SNTG2: variants seen among roughly 807,000 people sequenced by gnomAD.
SNTG2 encodes gamma-2-syntrophin.
In SNTG2, 74 loss-of-function variants were observed where a neutral mutation model predicts 70.9. The observed-to-expected ratio is 1.04, with a 90% CI of 0.86 to 1.27. SNTG2 has a LOEUF of 1.27. SNTG2 is among the 50% of genes most tolerant of loss of function. SNTG2 has a pLI of 0.00. For synonymous variants in SNTG2, 278 were observed against 273.8 expected, an observed-to-expected ratio of 1.02 and a Z score of -0.15; for missense variants, 717 against 690.7, an observed-to-expected ratio of 1.04 and a Z score of -0.43.
chr2:958,376 A>G lies in SNTG2; in HGVS notation c.72+7308A>G, dbSNP rs78567279. Among the ~76,000 whole-genome samples, 752 of 152,346 alleles carry G rather than the reference A, an allele frequency of 4.9e-3. 4 individuals are homozygous for G. Among genetic ancestry groups the G allele is most frequent in the African/African-American group, 0.017 (697 of 41,584 alleles). ...GGGAACAGGTTCATAAGTCGAGTAG[A>G]TGGCAACAGCTCATGCAGCCCCTCC... On this transcript the variant is annotated intron_variant, in intron 1 of 16. Transcript: ENST00000308624.
At chr2:1,326,821 C>T (rs1430291321) in intron 16 of SNTG2, among the ~76,000 whole-genome samples, 1 of 152,044 alleles carries the variant, frequency 6.6e-6, no homozygotes, top group Admixed American at 6.6e-5. Context: ...TATTTTATAA[C>T]CTCTTACACA....
chr2:1,263,172 A>G (rs186795437), intron 13 of SNTG2, among the ~76,000 whole-genome samples: 3 of 152,322 alleles, frequency 2.0e-5, no homozygotes, highest in Admixed American at 6.5e-5. Context: ...AGCTATATGT[A>G]TGAGAATGTT....
intron 4 of SNTG2, among the ~76,000 whole-genome samples, chr2:1,128,374 T>C (rs1488282382): frequency 6.6e-6 from 1 of 152,206 alleles, no homozygotes; most frequent in Non-Finnish European, 1.5e-5. Flanking sequence ...TTATTATACA[T>C]ATGAATACAT....
chr2:1,218,517 C>A (rs1364443511), intron 9 of SNTG2, among the ~76,000 whole-genome samples: 2 of 152,156 alleles, frequency 1.3e-5, no homozygotes, highest in African/African-American at 4.8e-5. Flanking sequence ...CCACATGGTA[C>A]CGTTGGACAA....
chr2:1,362,894 G>A (rs550518585), intron 16 of SNTG2, among the ~76,000 whole-genome samples: 4 of 151,888 alleles, frequency 2.6e-5, no homozygotes, highest in Non-Finnish European at 5.9e-5. Context: ...AGTCACCAAC[G>A]CTGAGCATTT....
intron 2 of SNTG2, among the ~76,000 whole-genome samples, chr2:1,085,674 T>C (rs868454771): frequency 7.2e-5 from 11 of 152,374 alleles, no homozygotes; most frequent in Admixed American, 2.0e-4. Flanking sequence ...CAGTGCAGAA[T>C]CTGAATTGAT....
chr2:1,231,873 G>A (rs1053825656), intron 9 of SNTG2, among the ~76,000 whole-genome samples: 11 of 152,158 alleles, frequency 7.2e-5, no homozygotes, highest in Admixed American at 3.9e-4. Flanking sequence ...AGTGCTGGCC[G>A]TGGTGGAATG....
At chr2:1,026,746 C>T (rs1660500930) in intron 1 of SNTG2, among the ~76,000 whole-genome samples, 1 of 152,148 alleles carries the variant, frequency 6.6e-6, no homozygotes, top group African/African-American at 2.4e-5. Context: ...CCTCTGTCTC[C>T]CATGGCAAAT....
intron 14 of SNTG2, among the ~76,000 whole-genome samples, chr2:1,286,637 G>C (rs900453943): frequency 6.6e-6 from 1 of 152,198 alleles, no homozygotes; most frequent in Non-Finnish European, 1.5e-5. Context: ...CCCATATTTA[G>C]AGTAAGTGTC....
chr2:1,117,923 T>C (rs1667139886), intron 4 of SNTG2, among the ~76,000 whole-genome samples: 2 of 152,202 alleles, frequency 1.3e-5, no homozygotes, highest in South Asian at 4.1e-4. Context: ...GGTCCAGGAT[T>C]GCAGCTGTGC....
In SNTG2 at chr2:1,173,827, C is replaced by G. The variant is rs537821983; in HGVS notation, c.591+644C>G. ...CCTCTCTCAGAAGCCTGGGCTCCAACTCCCGCAGGGTGACCTGTGAGCTGC... is the reference window on the plus strand; with the variant it reads ...CCTCTCTCAGAAGCCTGGGCTCCAAGTCCCGCAGGGTGACCTGTGAGCTGC... On this transcript the variant is annotated intron_variant, in intron 8 of 16. Transcript: ENST00000308624. 2.4e-3 allele frequency among the ~76,000 whole-genome samples: 359 copies of G among 152,398 alleles called. 1 individual carries two copies. Among genetic ancestry groups the G allele is most frequent in the Non-Finnish European group, 4.1e-3 (276 of 68,042 alleles).
At chr2:1,295,000 T>G (rs1176432968) in intron 14 of SNTG2, among the ~76,000 whole-genome samples, 2 of 152,210 alleles carry the variant, frequency 1.3e-5, no homozygotes, top group Non-Finnish European at 2.9e-5. Context: ...TGACGCAGGC[T>G]GTCTCGTTCA....
intron 1 of SNTG2, among the ~76,000 whole-genome samples, chr2:1,044,360 G>T (rs1413030491): frequency 6.6e-6 from 1 of 151,800 alleles, no homozygotes; most frequent in Non-Finnish European, 1.5e-5. Flanking sequence ...AAAGAGATAG[G>T]TTGACTCTTG....
intron 14 of SNTG2, among the ~76,000 whole-genome samples, chr2:1,272,586 AG>A (rs370824738): frequency 6.6e-6 from 1 of 150,442 alleles, no homozygotes; most frequent in Non-Finnish European, 1.5e-5. Context: ...AGGATATCCC[AG>A]GGAGCAGGTG....
chr2:1,201,198 T>A (rs1673254150), intron 8 of SNTG2, among the ~76,000 whole-genome samples: 1 of 151,988 alleles, frequency 6.6e-6, no homozygotes, highest in Non-Finnish European at 1.5e-5. Flanking sequence ...ATATACACAA[T>A]GAAATACTAT....
In SNTG2 at chr2:1,162,040, C is replaced by G. The variant is rs113460665; in HGVS notation, c.412-3508C>G. On this transcript the variant is annotated intron_variant, in intron 6 of 16. Coordinates refer to ENST00000308624, the MANE Select transcript of SNTG2 (RefSeq NM_018968.4). ...AGTGGGCCCAGATGGCGCCACTGCA[C>G]TCCAGCCTGGGCGACAGTGAGACTC... Among the ~76,000 whole-genome samples the G allele has an allele frequency of 8.6e-3, 1,227 of 143,260 alleles. 15 individuals carry two copies. Among genetic ancestry groups the G allele is most frequent in the South Asian group, 0.038 (169 of 4,476 alleles). The allele number at this position is 143,260 out of a possible 152,430, so 94.0% of individuals were successfully genotyped here.
At chr2:1,083,742 G>A in intron 2 of SNTG2, 87 bp downstream of exon 2, 1 of 1,474,604 alleles carries the variant, frequency 6.8e-7, no homozygotes, top group Non-Finnish European at 9.3e-7. Flanking sequence ...AAGAATGATT[G>A]CTGAGCAAAA....
chr2:1,061,162 G>T (rs1008349874), intron 1 of SNTG2, among the ~76,000 whole-genome samples: 4 of 152,160 alleles, frequency 2.6e-5, no homozygotes, highest in African/African-American at 9.7e-5. Flanking sequence ...GCATAGAGCC[G>T]CGTGATCCTG....
At chr2:1,123,110 T>C (rs1454377647) in intron 4 of SNTG2, among the ~76,000 whole-genome samples, 1 of 152,150 alleles carries the variant, frequency 6.6e-6, no homozygotes, top group Non-Finnish European at 1.5e-5. Flanking sequence ...TCTGGGCTCA[T>C]CATAATTAAT....
Sources: gnomAD v4.1 joint callset for allele counts (sites outside exome capture counted in the v4.1 genomes callset) on GRCh38, gnomAD v4.1.1 for gene constraint, MANE v1.5 for transcripts, NCBI Gene and HGNC (gene_info 2026-07-23, HGNC 2026-07-21) for gene names.